PSMD13: variants seen among roughly 807,000 people sequenced by gnomAD.
PSMD13 encodes proteasome 26S subunit, non-ATPase 13.
PSMD13 carries 8 observed loss-of-function variants against 57.4 expected under a neutral mutation model. The observed-to-expected ratio is 0.14, with a 90% confidence interval of 0.08 to 0.25. The LOEUF (loss-of-function observed/expected upper bound fraction) is 0.25, where lower values mean the gene tolerates loss of function less well. Among genes scored for constraint, PSMD13 ranks in the 10% least tolerant of loss-of-function variants. The pLI, the probability that PSMD13 is intolerant of heterozygous loss-of-function variation, is 1.00. For synonymous variants in PSMD13, 193 were observed against 168.2 expected (o/e 1.15, Z -1.14); for missense variants, 400 against 461.5 (o/e 0.87, Z 1.22).
chr11:240,134 A>C (rs1859484530), intron 2 of PSMD13, among the ~76,000 whole-genome samples: 2 of 31,726 alleles, frequency 6.3e-5, no homozygotes, highest in African/African-American at 1.9e-4. Flanking sequence ...TTTTTGACGG[A>C]GTTTCGCTCT....
In PSMD13 at chr11:248,955, C is replaced by T. The variant is rs759212717; in HGVS notation, c.672C>T (p.Ser224=). 1 of 1,614,112 alleles carries T rather than the reference C, an allele frequency of 6.2e-7. No individual in the cohort carries two copies. The highest frequency in any genetic ancestry group is 1.7e-5 in the Admixed American group (1 of 60,010). The change falls in exon 9 of 13, where the codon TCC becomes TCT. Residue 224 remains serine, a synonymous_variant. Coordinates refer to ENST00000532097, the MANE Select transcript of PSMD13 (RefSeq NM_002817.4). ...GELLMHPVLE[S]LRNTDRQWLI... ...AGCTCATGCACCCTGTGCTGGAGTCCCTGAGGAATACTGACCGGCAGTGGC... is the reference window on the plus strand; with the variant it reads ...AGCTCATGCACCCTGTGCTGGAGTCTCTGAGGAATACTGACCGGCAGTGGC...
At position 239,045 on chromosome 11, in the gene PSMD13, C is replaced by T; in HGVS notation, c.143C>T (p.Pro48Leu). 1.2e-6 allele frequency: 2 copies of T among 1,614,056 alleles called. No individual in the cohort carries two copies. Among genetic ancestry groups the T allele is most frequent in the Non-Finnish European group, 1.7e-6 (2 of 1,179,990 alleles). ...TLQVLDFVQD[P>L]CFAQGDGLIK... ...CAGGTGCTTGATTTTGTGCAGGATC[C>T]GTGCTTTGCCCAAGGAGATGGTCTC... The change falls in exon 2 of 13, where the codon CCG (proline) becomes CTG (leucine). Residue 48 changes from proline (P) to leucine (L), a missense_variant. Coordinates refer to ENST00000532097, the MANE Select transcript of PSMD13 (RefSeq NM_002817.4).
rs1373889746 is a variant in PSMD13, at chr11:237,044, G to T, written c.-6G>T. 2.5e-6 allele frequency: 4 copies of T among 1,611,652 alleles called. No homozygotes were observed. Among genetic ancestry groups the T allele is most frequent in the Non-Finnish European group, 3.4e-6 (4 of 1,178,010 alleles). ...GTTCTTCTGTGCCGGGGGTCTTCCT[G>T]CTGTCATGAAGGACGTACCGGGCTT... On this transcript the variant is annotated 5_prime_UTR_variant, in exon 1 of 13. Coordinates refer to ENST00000532097, the MANE Select transcript of PSMD13 (RefSeq NM_002817.4).
At chr11:245,693 T>G (rs1859628558) in intron 6 of PSMD13, among the ~76,000 whole-genome samples, 1 of 86,830 alleles carries the variant, frequency 1.2e-5, no homozygotes, top group Non-Finnish European at 2.3e-5. Context: ...TGCATGTGTG[T>G]TCGTGTGTTT....
intron 7 of PSMD13, 28 bp downstream of exon 7, chr11:247,476 C>G: frequency 1.2e-6 from 2 of 1,602,388 alleles, no homozygotes; most frequent in Non-Finnish European, 1.7e-6. Context: ...ATCCATGTCA[C>G]ACAGGAGCAT....
intron 1 of PSMD13, 23 bp from the exon 2 acceptor site, chr11:238,975 C>T (rs1859460216): frequency 1.9e-6 from 3 of 1,609,910 alleles, no homozygotes; most frequent in Non-Finnish European, 2.6e-6. Flanking sequence ...GGTTAGAGGT[C>T]TTAAGGGCTG....
At chr11:248,018 A>ACAGGTAT (rs1436068120) in intron 7 of PSMD13, 1 of 152,596 alleles carries the variant, frequency 6.6e-6, no homozygotes. Flanking sequence ...TACCTAAGCC[A>ACAGGTAT]CAGGTATTTG....
intron 2 of PSMD13, among the ~76,000 whole-genome samples, chr11:242,112 G>T (rs473151): frequency 0.16 from 24,200 of 147,806 alleles, 2,388 homozygotes; most frequent in East Asian, 0.43. Context: ...TCTCCCTTTG[G>T]CTGATGCACT....
intron 5 of PSMD13, 99 bp downstream of exon 5, chr11:244,568 C>G (rs1349374057): frequency 1.3e-6 from 2 of 1,492,532 alleles, no homozygotes; most frequent in Non-Finnish European, 1.9e-6. Flanking sequence ...TTAGAGACCA[C>G]AAGGCCTCTA....
At chr11:242,640 C>G (rs911578235) in intron 2 of PSMD13, among the ~76,000 whole-genome samples, 1 of 151,944 alleles carries the variant, frequency 6.6e-6, no homozygotes, top group Non-Finnish European at 1.5e-5. Flanking sequence ...CTGTCAACTC[C>G]GATGATAAAG....
At chr11:246,387 A>T (rs1859647799) in intron 6 of PSMD13, among the ~76,000 whole-genome samples, 1 of 152,158 alleles carries the variant, frequency 6.6e-6, no homozygotes, top group Admixed American at 6.5e-5. Context: ...CTGTAGTCCC[A>T]GCCACTCGGG....
chr11:242,853 T>C (rs1319121156), intron 2 of PSMD13, among the ~76,000 whole-genome samples: 1 of 152,120 alleles, frequency 6.6e-6, no homozygotes, highest in Non-Finnish European at 1.5e-5. Flanking sequence ...TGGAATGCAA[T>C]GGCACAATCT....
chr11:237,448 C>G (rs1859325892), intron 1 of PSMD13, among the ~76,000 whole-genome samples: 1 of 152,222 alleles, frequency 6.6e-6, no homozygotes, highest in African/African-American at 2.4e-5. Context: ...TACCTCGGGT[C>G]TTACTAAAAC....
chr11:242,718 A>G (rs1490965443), intron 2 of PSMD13, among the ~76,000 whole-genome samples: 4 of 152,192 alleles, frequency 2.6e-5, no homozygotes, highest in Admixed American at 1.3e-4. Context: ...TTCCTTTGAT[A>G]CAAATTAGAA....
chr11:239,873 A>G (rs182692503), intron 2 of PSMD13, among the ~76,000 whole-genome samples: 1 of 152,098 alleles, frequency 6.6e-6, no homozygotes, highest in Admixed American at 6.6e-5. Flanking sequence ...CTGATAGCTT[A>G]TAATTACATT....
intron 6 of PSMD13, among the ~76,000 whole-genome samples, 156 bp downstream of exon 6, chr11:244,917 C>T (rs2133987230): frequency 6.6e-6 from 1 of 151,774 alleles, no homozygotes; most frequent in Non-Finnish European, 1.5e-5. Context: ...TATACCCCAA[C>T]CTAAATTTCC....
chr11:247,472 G>A, intron 7 of PSMD13, 24 bp downstream of exon 7: 2 of 1,605,924 alleles, frequency 1.2e-6, no homozygotes, highest in African/African-American at 1.3e-5. Flanking sequence ...TTAAATCCAT[G>A]TCACACAGGA....
At chr11:245,783 T>TA (rs78942883) in intron 6 of PSMD13, among the ~76,000 whole-genome samples, 119,899 of 151,280 alleles carry the variant, frequency 0.79, 47,837 homozygotes, top group African/African-American at 0.88. Flanking sequence ...GGGTAAGGGT[T>TA]AAAGTGTTCA....
intron 9 of PSMD13, 150 bp downstream of exon 9, chr11:249,207 A>G: frequency 3.2e-5 from 36 of 1,121,204 alleles, no homozygotes; most frequent in South Asian, 4.4e-5. Context: ...CATAGAGCAG[A>G]GAGTTAAGTG....
Sources: gnomAD v4.1 joint callset for allele counts (sites outside exome capture counted in the v4.1 genomes callset) on GRCh38, gnomAD v4.1.1 for gene constraint, MANE v1.5 for transcripts, NCBI Gene and HGNC (gene_info 2026-07-23, HGNC 2026-07-21) for gene names.